NAP1L1: variants seen among roughly 807,000 people sequenced by gnomAD.
The protein encoded by NAP1L1 is nucleosome assembly protein 1-like 1.
A neutral mutation model predicts 58.9 loss-of-function variants in NAP1L1; 9 were observed. The ratio of observed to expected loss-of-function variants is 0.15; its 90% confidence interval spans 0.09 to 0.27. The LOEUF (loss-of-function observed/expected upper bound fraction) is 0.27. Ranked by LOEUF, NAP1L1 falls within the 10% of genes least tolerant of loss-of-function variation. The probability of loss-of-function intolerance (pLI) is 1.00; values close to 1 mark genes in which losing one functional copy is unlikely to be tolerated. For missense variants in NAP1L1, 302 were observed against 458.8 expected (o/e 0.66, Z 3.12); for synonymous variants, 130 against 138.3 (o/e 0.94, Z 0.42).
At chr12:76,067,265 A>G in intron 4 of NAP1L1, 106 bp downstream of exon 4, 1 of 827,846 alleles carries the variant, frequency 1.2e-6, no homozygotes, top group East Asian at 2.5e-5. Flanking sequence ...ACTAACAGAC[A>G]ATAGGTTTCC....
rs762170813 is a variant in NAP1L1 at position 76,045,254 on chromosome 12, A to G, written c.*3175T>C. The G allele has an allele frequency of 6.6e-6, 1 of 152,128 alleles. No individual in the cohort carries two copies. Among genetic ancestry groups the G allele is most frequent in the Non-Finnish European group, 1.5e-5 (1 of 67,952 alleles). 9.4% of individuals were successfully genotyped at this position (152,128 alleles called of 1,614,324 possible). A position where few individuals can be genotyped will look rare whatever the true frequency, so the allele number is the denominator to read the frequency against. On this transcript the variant is annotated 3_prime_UTR_variant, in exon 15 of 15. Transcript: ENST00000618691. Reference sequence around the variant, plus strand: ...TGTTTTGATTTAAAGTCAAAAATATAAAGGCTTAAATTTTTGTAAGACTAA... The same window carrying G: ...TGTTTTGATTTAAAGTCAAAAATATGAAGGCTTAAATTTTTGTAAGACTAA...
chr12:76,041,666 G>C lies in NAP1L1; in HGVS notation c.*6763C>G, dbSNP rs1037982418. The stretch of plus-strand genomic sequence containing the variant: ...GGAGGTTGAGGTGAGACAACCACTT[G>C]AGCCCAGGAGTTAGACACTAGTCCA... On this transcript the variant is annotated 3_prime_UTR_variant, in exon 15 of 15. Coordinates refer to ENST00000618691, the MANE Select transcript of NAP1L1 (RefSeq NM_004537.7). 2.6e-5 allele frequency: 4 copies of C among 152,102 alleles called. No individual in the cohort carries two copies. The highest frequency in any genetic ancestry group is 4.4e-5 in the Non-Finnish European group (3 of 68,014). 9.4% of individuals were successfully genotyped at this position (152,102 alleles called of 1,614,324 possible). A position where few individuals can be genotyped will look rare whatever the true frequency, so the allele number is the denominator to read the frequency against.
intron 2 of NAP1L1, among the ~76,000 whole-genome samples, 168 bp from the exon 3 acceptor site, chr12:76,069,162 T>C (rs1949831685): frequency 6.6e-6 from 1 of 152,226 alleles, no homozygotes; most frequent in South Asian, 2.1e-4. Context: ...AAGTACACAC[T>C]GGAAGTGCTT....
At chr12:76,052,703 G>C (rs1948900817) in intron 11 of NAP1L1, among the ~76,000 whole-genome samples, 1 of 152,132 alleles carries the variant, frequency 6.6e-6, no homozygotes, top group Non-Finnish European at 1.5e-5. Context: ...AACATACTTA[G>C]TCACAATATG....
At position 76,041,787 on chromosome 12, in the gene NAP1L1, C is replaced by T. The variant is rs546611702; in HGVS notation, c.*6642G>A. ...AAATCACATCTGATCTCAAGACAGA[C>T]ACCCATGTCACATCCACACCAGTGT... On this transcript the variant is annotated 3_prime_UTR_variant, in exon 15 of 15. Coordinates refer to ENST00000618691, the MANE Select transcript of NAP1L1 (RefSeq NM_004537.7). The T allele has an allele frequency of 6.6e-6, 1 of 152,332 alleles. No individual in the cohort carries two copies. Among genetic ancestry groups the T allele is most frequent in the East Asian group, 1.9e-4 (1 of 5,186 alleles). 9.4% of individuals were successfully genotyped at this position (152,332 alleles called of 1,614,324 possible).
intron 1 of NAP1L1, among the ~76,000 whole-genome samples, chr12:76,078,910 C>T (rs35303796): frequency 0.02 from 3,073 of 152,108 alleles, 41 homozygotes; most frequent in Non-Finnish European, 0.033. Context: ...TTTTCCATTT[C>T]CTTAAGTGAT....
At chr12:76,056,339 C>G in intron 6 of NAP1L1, 178 bp from the exon 7 acceptor site, 1 of 566,050 alleles carries the variant, frequency 1.8e-6, no homozygotes. Context: ...TTACTGCTAC[C>G]ACACCCCTCC....
intron 2 of NAP1L1, among the ~76,000 whole-genome samples, chr12:76,072,848 T>C (rs1490911456): frequency 2.0e-5 from 3 of 152,160 alleles, no homozygotes; most frequent in East Asian, 1.9e-4. Context: ...AAAGGTAGAA[T>C]AGTCGTTTTC....
At chr12:76,077,811 C>T (rs1462351627) in intron 1 of NAP1L1, among the ~76,000 whole-genome samples, 2 of 151,632 alleles carry the variant, frequency 1.3e-5, no homozygotes, top group African/African-American at 2.4e-5. Context: ...TGGTGAAACC[C>T]AGTCTCTACT....
intron 8 of NAP1L1, 32 bp from the exon 9 acceptor site, chr12:76,053,941 T>C (rs1356478802): frequency 6.3e-7 from 1 of 1,583,626 alleles, no homozygotes; most frequent in Non-Finnish European, 8.5e-7. Flanking sequence ...ATCAGTTAAA[T>C]ACCTACCTCA....
chr12:76,066,137 T>TAAAC lies in NAP1L1; in HGVS notation c.206+1230_206+1233dup, dbSNP rs10563211. ...ATAAATAAATAAATAAATAAATAAA[T>TAAAC]AAACAAACAAACAAACAAACCTGGC... On this transcript the variant is annotated intron_variant, in intron 4 of 14. Coordinates refer to ENST00000618691, the MANE Select transcript of NAP1L1 (RefSeq NM_004537.7). Among the ~76,000 whole-genome samples, 374 of 60,292 alleles carry TAAAC rather than the reference T, an allele frequency of 6.2e-3. 2 individuals are homozygous for TAAAC. Among genetic ancestry groups the TAAAC allele is most frequent in the Admixed American group, 0.012 (61 of 5,296 alleles). The allele number at this position is 60,292 out of a possible 152,430, so 39.6% of individuals were successfully genotyped here.
chr12:76,068,987 G>C lies in NAP1L1; in HGVS notation c.25C>G (p.Gln9Glu), dbSNP rs371131424. 12 of 1,609,762 alleles carry C rather than the reference G, an allele frequency of 7.5e-6. No homozygotes were observed. The Middle Eastern group carries it at 6.6e-4, about 89-fold the overall frequency. MADIDNKE[Q>E]SELDQDLDDV... ...TCCAAATCTTGATCAAGTTCAGACT[G>C]TTCTTTGCTATAATATCATAGTATC... Residue 9 changes from glutamine to glutamate, a missense_variant, in exon 3 of 15, where the codon CAG (glutamine) becomes GAG (glutamate). Gln to Glu is a conservative substitution (Grantham distance 29). Transcript: ENST00000618691.
At chr12:76,055,359 G>A (rs954973973) in intron 7 of NAP1L1, among the ~76,000 whole-genome samples, 2 of 152,124 alleles carry the variant, frequency 1.3e-5, no homozygotes, top group Non-Finnish European at 2.9e-5. Flanking sequence ...TCTAAATAAG[G>A]CATATCTACT....
chr12:76,080,688 A>G (rs1192590724), intron 1 of NAP1L1, among the ~76,000 whole-genome samples: 3 of 152,196 alleles, frequency 2.0e-5, no homozygotes, highest in African/African-American at 7.2e-5. Flanking sequence ...GCTTTTCCCT[A>G]GAGCACAGTG....
chr12:76,050,794 A>G (rs1948784251), intron 11 of NAP1L1, 141 bp from the exon 12 acceptor site: 4 of 819,630 alleles, frequency 4.9e-6, no homozygotes, highest in Middle Eastern at 2.6e-4. Context: ...TAGGAGGATC[A>G]CTTGAGCCCA....
chr12:76,076,410 CTTA>C (rs537447815), intron 1 of NAP1L1, among the ~76,000 whole-genome samples: 1 of 151,868 alleles, frequency 6.6e-6, no homozygotes, highest in Non-Finnish European at 1.5e-5. Flanking sequence ...GCACACAAAG[CTTA>C]TTATAAACTT....
intron 2 of NAP1L1, among the ~76,000 whole-genome samples, chr12:76,071,924 C>A (rs1447282854): frequency 6.7e-6 from 1 of 149,714 alleles, no homozygotes; most frequent in Non-Finnish European, 1.5e-5. Context: ...CAGATCTTTA[C>A]CCAGACACTG....
At chr12:76,070,324 T>A (rs1487000671) in intron 2 of NAP1L1, among the ~76,000 whole-genome samples, 2 of 152,132 alleles carry the variant, frequency 1.3e-5, no homozygotes, top group African/African-American at 4.8e-5. Context: ...GCTGGGCTGG[T>A]CTCAAACTCC....
At position 76,036,851 on chromosome 12, in the gene NAP1L1, T is replaced by G. The variant is rs181451656; in HGVS notation, c.*11578A>C. 6.6e-6 allele frequency: 1 copy of G among 152,190 alleles called. No homozygotes were observed. Among genetic ancestry groups the G allele is most frequent in the Admixed American group, 6.5e-5 (1 of 15,274 alleles). 9.4% of individuals were successfully genotyped at this position (152,190 alleles called of 1,614,324 possible). ...ACTTTGGGAGGCTGAGGCAGGCGGA[T>G]TGCCTGAGGTCAGGAGCTCGACACA... On this transcript the variant is annotated 3_prime_UTR_variant, in exon 15 of 15. Coordinates refer to ENST00000618691, the MANE Select transcript of NAP1L1 (RefSeq NM_004537.7).
Sources: allele counts gnomAD v4.1 joint callset (sites outside exome capture counted in the v4.1 genomes callset), GRCh38; gene constraint gnomAD v4.1.1; transcripts MANE v1.5; gene names NCBI Gene and HGNC (gene_info 2026-07-23, HGNC 2026-07-21).